CHD5: variants seen among roughly 807,000 people sequenced by gnomAD.
CHD5 encodes the protein ATP-dependent chromatin remodeler CHD5.
A neutral mutation model predicts 230.3 loss-of-function variants in CHD5; 69 were observed. The ratio of observed to expected loss-of-function variants is 0.30; its 90% CI spans 0.25 to 0.37. CHD5 has a LOEUF of 0.37. Ranked by LOEUF, CHD5 falls within the 10% of genes least tolerant of loss-of-function variation. CHD5 has a pLI of 1.00. For synonymous variants in CHD5, 1,064 were observed against 1,065.9 expected (o/e 1.00, Z 0.03); for missense variants, 1,827 against 2,622.8 (o/e 0.70, Z 6.63).
Position 6,146,456 on chromosome 1 carries a change from G to GC in CHD5, c.1591-34_1591-33insG. 1 of 1,595,726 alleles carries GC rather than the reference G, an allele frequency of 6.3e-7. No homozygotes were observed. Among genetic ancestry groups the GC allele is most frequent in the Non-Finnish European group, 8.6e-7 (1 of 1,166,322 alleles). On this transcript the variant is annotated intron_variant, in intron 10 of 41. Coordinates refer to ENST00000262450, the MANE Select transcript of CHD5 (RefSeq NM_015557.3). The surrounding 1 kb of genome is among the most constrained non-coding windows in gnomAD (Gnocchi z 5.1). ...TGGAGCGGCACAAAGTCACAGAAGG[G>GC]AGATGGGCCATGGTCCCCTGCATCT...
intron 2 of CHD5, among the ~76,000 whole-genome samples, chr1:6,160,515 A>C (rs1021032319): frequency 3.3e-5 from 5 of 151,838 alleles, no homozygotes; most frequent in Non-Finnish European, 7.4e-5. Flanking sequence ...GGAGAGCCCC[A>C]GCCAGGGAAG....
At chr1:6,108,631 G>A (rs1666235930) in intron 38 of CHD5, among the ~76,000 whole-genome samples, 4 of 146,008 alleles carry the variant, frequency 2.7e-5, no homozygotes, top group Non-Finnish European at 6.0e-5. Context: ...AGGGATGAGG[G>A]ATGGAGTGGA....
chr1:6,106,411 CA>C lies in CHD5; in HGVS notation c.5840del (p.Leu1947ArgfsTer5). The C allele has an allele frequency of 6.3e-7, 1 of 1,593,442 alleles. No homozygotes were observed. Among genetic ancestry groups the C allele is most frequent in the Non-Finnish European group, 8.5e-7 (1 of 1,170,554 alleles). ...GGIVNYNQMP[L>X]GPYVTDI ...GGCACCTACCGGTCACATAGGGCCC[CA>C]GGGGCATCTGGTTGTAGTTGACAAT... On this transcript the variant is annotated frameshift_variant, in exon 40 of 42. Coordinates refer to ENST00000262450, the MANE Select transcript of CHD5 (RefSeq NM_015557.3). LOFTEE classifies it high-confidence loss of function.
chr1:6,134,644 G>T lies in CHD5; in HGVS notation c.3012+74C>A. 1 of 1,466,862 alleles carries T rather than the reference G, an allele frequency of 6.8e-7. No individual in the cohort carries two copies. The highest frequency in any genetic ancestry group is 1.4e-5 in the African/African-American group (1 of 71,740). 90.9% of individuals were successfully genotyped at this position (1,466,862 alleles called of 1,614,324 possible). On this transcript the variant is annotated intron_variant, in intron 19 of 41. Coordinates refer to ENST00000262450, the MANE Select transcript of CHD5 (RefSeq NM_015557.3). This position sits in a 1 kb window ranked among gnomAD's most constrained non-coding sequence, Gnocchi z 6.3. Reference sequence around the variant, plus strand: ...GAGAACCTATCACAGCGGCCACAGGGACCTACCATGGCGGCCACAGGCACC... The same window carrying T: ...GAGAACCTATCACAGCGGCCACAGGTACCTACCATGGCGGCCACAGGCACC...
chr1:6,103,917 C>T lies in CHD5; in HGVS notation c.*1557G>A. 1 of 152,420 alleles carries T rather than the reference C, an allele frequency of 6.6e-6. No individual in the cohort carries two copies. Among genetic ancestry groups the T allele is most frequent in the Non-Finnish European group, 1.5e-5 (1 of 68,106 alleles). The allele number at this position is 152,420 out of a possible 1,614,324, so 9.4% of individuals were successfully genotyped here. ...TGAATCCTGACCCAGCCCTGGCCCC[C>T]TCAGTCCCAGGCAGGCCCTCTCCAA... On this transcript the variant is annotated 3_prime_UTR_variant, in exon 42 of 42. Transcript: ENST00000262450.
At chr1:6,139,163 G>T (rs1557549349) in intron 15 of CHD5, among the ~76,000 whole-genome samples, 1 of 152,210 alleles carries the variant, frequency 6.6e-6, no homozygotes, top group Non-Finnish European at 1.5e-5. Context: ...GATGAAAAGA[G>T]TTCTGCAGAC....
Position 6,121,139 on chromosome 1 carries a change from C to A in CHD5, c.4878G>T (p.Glu1626Asp). The A allele has an allele frequency of 6.2e-7, 1 of 1,612,300 alleles. No homozygotes were observed. The highest frequency in any genetic ancestry group is 1.3e-5 in the African/African-American group (1 of 74,896). Residue 1626 changes from glutamate (E) to aspartate (D), a missense_variant, in exon 33 of 42, where the codon GAG (glutamate) becomes GAT (aspartate). Transcript: ENST00000262450. This position sits in a 1 kb window ranked among gnomAD's most constrained non-coding sequence, Gnocchi z 4.5. Reference protein sequence around the residue: ...RAREERPEETEKAPPSPEQLP... With the variant: ...RAREERPEETDKAPPSPEQLP... ...GCTGCTCCGGGGAGGGCGGGGCCTT[C>A]TCCGTCTCCTCTGGCCGCTCCTCTC...
At chr1:6,149,494 G>T in intron 7 of CHD5, 82 bp from the exon 8 acceptor site, 1 of 1,412,058 alleles carries the variant, frequency 7.1e-7, no homozygotes. Context: ...AGGCCAGACA[G>T]GCACAGAGTA....
In CHD5 at chr1:6,127,632, CG is replaced by C. The variant is rs758073180; in HGVS notation, c.3903+413del. ...ACCCCGGGGACAGGGCTCTGTGCAA[CG>C]GGGTGGCAGATCAGCTTGCACTTCA... On this transcript the variant is annotated intron_variant, in intron 25 of 41. Coordinates refer to ENST00000262450, the MANE Select transcript of CHD5 (RefSeq NM_015557.3). Among the ~76,000 whole-genome samples the C allele has an allele frequency of 2.0e-5, 3 of 152,074 alleles. No individual in the cohort carries two copies. The East Asian group carries it at 5.8e-4, about 29-fold the overall frequency.
chr1:6,146,311 C>T lies in CHD5; in HGVS notation c.1703G>A (p.Arg568Lys), dbSNP rs747876873. ...GGCATAGAGGGGGTCCTTGTTCTTC[C>T]TCTTCTCGCTCTTGCCGTCTTCATC... ...SGDEDGKSEKRKNKDPLYAKM... is the reference protein window; with the variant it reads ...SGDEDGKSEKKKNKDPLYAKM... The change falls in exon 11 of 42, where the codon AGG becomes AAG. Residue 568 changes from arginine (R) to lysine (K), a missense_variant. Physicochemically the swap from Arg to Lys is conservative, Grantham distance 26. Coordinates refer to ENST00000262450, the MANE Select transcript of CHD5 (RefSeq NM_015557.3). This position sits in a 1 kb window ranked among gnomAD's most constrained non-coding sequence, Gnocchi z 5.1. 7.4e-6 allele frequency: 12 copies of T among 1,614,088 alleles called. No individual in the cohort carries two copies. The Admixed American group carries it at 2.0e-4, about 27-fold the overall frequency.
intron 15 of CHD5, among the ~76,000 whole-genome samples, chr1:6,138,884 A>T (rs1214497212): frequency 6.6e-6 from 1 of 152,234 alleles, no homozygotes; most frequent in Non-Finnish European, 1.5e-5. Flanking sequence ...CAACAGATGA[A>T]CAGATAAACA....
At chr1:6,158,985 C>A (rs867445340) in intron 3 of CHD5, among the ~76,000 whole-genome samples, 1 of 105,426 alleles carries the variant, frequency 9.5e-6, no homozygotes, top group African/African-American at 4.2e-5. Context: ...CCAGCCTGGG[C>A]GACAGAGCGA....
chr1:6,112,818 G>T (rs1377279607), intron 34 of CHD5, 91 bp downstream of exon 34: 1 of 954,386 alleles, frequency 1.0e-6, no homozygotes, highest in Non-Finnish European at 1.6e-6. Flanking sequence ...AGGGGACGGC[G>T]CCTGGGAGAC....
At chr1:6,162,209 C>G (rs1667189674) in intron 2 of CHD5, among the ~76,000 whole-genome samples, 1 of 151,896 alleles carries the variant, frequency 6.6e-6, no homozygotes, top group African/African-American at 2.4e-5. Context: ...TGGAGAAACA[C>G]TTTCTCTACT....
intron 33 of CHD5, among the ~76,000 whole-genome samples, chr1:6,119,382 GCCACCGCACCTGGC>G (rs1666429350): frequency 1.3e-5 from 2 of 152,294 alleles, no homozygotes; most frequent in East Asian, 3.9e-4. Flanking sequence ...ACTGGCATGA[GCCACCGCACCTGGC>G]CCAAAAATAA....
At position 6,154,623 on chromosome 1, in the gene CHD5, C is replaced by T; in HGVS notation, c.745+37G>A. On this transcript the variant is annotated intron_variant, in intron 5 of 41. Transcript: ENST00000262450. This position sits in a 1 kb window ranked among gnomAD's most constrained non-coding sequence, Gnocchi z 7.0. ...TATAGGGTCTGAAAGGGACCTCTTC[C>T]CAGCGGGACTAGGTGCCCACCCAAC... 4 of 1,519,074 alleles carry T rather than the reference C, an allele frequency of 2.6e-6. No homozygotes were observed. In the South Asian group the frequency reaches 5.2e-5, roughly 20 times the overall value. The allele number at this position is 1,519,074 out of a possible 1,614,324, so 94.1% of individuals were successfully genotyped here.
intron 1 of CHD5, among the ~76,000 whole-genome samples, chr1:6,179,711 G>A (rs1371162268): frequency 4.8e-5 from 7 of 145,522 alleles, no homozygotes; most frequent in Non-Finnish European, 3.0e-5. Flanking sequence ...CGCCCGGGGG[G>A]CCCGGATCGC....
chr1:6,106,756 G>A lies in CHD5; in HGVS notation c.5602C>T (p.Leu1868=), dbSNP rs1458548019. The A allele has an allele frequency of 3.1e-6, 5 of 1,611,472 alleles. No homozygotes were observed. The African/African-American group carries it at 5.3e-5, about 17-fold the overall frequency. Residue 1868 remains leucine, a synonymous_variant, in exon 39 of 42, where the codon CTG becomes TTG. Coordinates refer to ENST00000262450, the MANE Select transcript of CHD5 (RefSeq NM_015557.3). ...GTCACGTCGGCCTTCATGTCGCTCA[G>A]CAGCTCCTCCAGCTGGTTCAGGACT... The part of the protein sequence containing the change: ...HKVLNQLEEL[L]SDMKADVTRL...
Position 6,143,939 on chromosome 1 carries a change from AC to A in CHD5, c.1935-9del. 5.6e-6 allele frequency: 9 copies of A among 1,614,048 alleles called. No individual in the cohort carries two copies. The highest frequency in any genetic ancestry group is 6.8e-6 in the Non-Finnish European group (8 of 1,180,008). On this transcript the variant is annotated splice_polypyrimidine_tract_variant and intron_variant, in intron 12 of 41. Coordinates refer to ENST00000262450, the MANE Select transcript of CHD5 (RefSeq NM_015557.3). ...TCTCCCAGCATCAGCTCCCTGGGAAACGGCATTGGAGGCAGGTGAGCAAGGC... is the reference window on the plus strand; with the variant it reads ...TCTCCCAGCATCAGCTCCCTGGGAAAGGCATTGGAGGCAGGTGAGCAAGGC...
Sources: allele counts gnomAD v4.1 joint callset (sites outside exome capture counted in the v4.1 genomes callset), GRCh38; gene constraint gnomAD v4.1.1; non-coding constraint Gnocchi (gnomAD v3.1); transcripts MANE v1.5; gene names NCBI Gene and HGNC (gene_info 2026-07-23, HGNC 2026-07-21).